The following EIF5B variants were observed in gnomAD, a reference collection of about 807,000 sequenced individuals.
EIF5B encodes eukaryotic translation initiation factor 5B.
EIF5B carries 47 observed loss-of-function variants against 147.5 expected under a neutral mutation model. That is an observed-to-expected ratio of 0.32 (90% CI 0.25 to 0.41). EIF5B has a LOEUF of 0.41. EIF5B is among the 10% of genes least tolerant of loss of function. EIF5B has a pLI of 1.00. For missense variants in EIF5B, 1,064 were observed against 1,413.2 expected (o/e 0.75, Z 3.96); for synonymous variants, 455 against 456.2 (o/e 1.00, Z 0.03).
chr2:99,356,482 A>G (rs938857315), intron 1 of EIF5B, among the ~76,000 whole-genome samples: 2 of 152,174 alleles, frequency 1.3e-5, no homozygotes, highest in African/African-American at 2.4e-5. Context: ...GAATTATTTC[A>G]TACTTTAGCT....
chr2:99,353,217 A>ATTGGC (rs1674017393), intron 1 of EIF5B, among the ~76,000 whole-genome samples: 3 of 151,610 alleles, frequency 2.0e-5, no homozygotes, highest in Admixed American at 2.0e-4. Context: ...GTTTCACCAT[A>ATTGGC]TTGGCCAGGC....
At chr2:99,343,703 A>G (rs932390464) in intron 1 of EIF5B, among the ~76,000 whole-genome samples, 2 of 151,548 alleles carry the variant, frequency 1.3e-5, no homozygotes, top group Non-Finnish European at 2.9e-5. Context: ...AGTCCCAGCT[A>G]CTCGGGAGGC....
Position 99,379,442 on chromosome 2 carries a change from A to G in EIF5B, c.2061+14A>G. The G allele has an allele frequency of 1.3e-6, 2 of 1,571,560 alleles. No homozygotes were observed. The highest frequency in any genetic ancestry group is 1.7e-6 in the Non-Finnish European group (2 of 1,150,608). On this transcript the variant is annotated intron_variant, in intron 12 of 23. Coordinates refer to ENST00000289371, the MANE Select transcript of EIF5B (RefSeq NM_015904.4). ...ATGATTAAAAATGTAAGTACATTGT[A>G]TTTCATGTATTTTAATCTCTGACAA...
intron 6 of EIF5B, among the ~76,000 whole-genome samples, chr2:99,366,979 A>G (rs1171961664): frequency 6.6e-6 from 1 of 152,218 alleles, no homozygotes; most frequent in Non-Finnish European, 1.5e-5. Context: ...GAACAATTGG[A>G]CATCTGTATG....
intron 14 of EIF5B, among the ~76,000 whole-genome samples, chr2:99,384,045 AAGTT>A (rs1245676928): frequency 6.6e-6 from 1 of 151,502 alleles, no homozygotes; most frequent in African/African-American, 2.4e-5. Flanking sequence ...AAAATACAAA[AAGTT>A]AGCCGGGCGT....
At chr2:99,398,569 G>GGT in intron 22 of EIF5B, 179 bp from the exon 23 acceptor site, 1 of 583,606 alleles carries the variant, frequency 1.7e-6, no homozygotes, top group Non-Finnish European at 3.0e-6. Flanking sequence ...AAGGGAATAG[G>GGT]GTGTTGGTGG....
chr2:99,393,439 G>A (rs995795065), intron 18 of EIF5B, among the ~76,000 whole-genome samples: 3 of 152,080 alleles, frequency 2.0e-5, no homozygotes, highest in Admixed American at 6.5e-5. Flanking sequence ...CTGGGAGGCA[G>A]AGGCTGCAGT....
intron 12 of EIF5B, among the ~76,000 whole-genome samples, chr2:99,379,751 CT>C (rs1160839318): frequency 6.6e-6 from 1 of 152,164 alleles, no homozygotes; most frequent in Non-Finnish European, 1.5e-5. Flanking sequence ...CTTCTCTACT[CT>C]TTTCCCCTTC....
intron 1 of EIF5B, among the ~76,000 whole-genome samples, chr2:99,349,117 T>G (rs1296671448): frequency 6.6e-6 from 1 of 152,204 alleles, no homozygotes. Context: ...CTAGAAACTA[T>G]AACAAAAGTT....
At chr2:99,364,955 A>C (rs1258576164) in intron 6 of EIF5B, among the ~76,000 whole-genome samples, 1 of 152,156 alleles carries the variant, frequency 6.6e-6, no homozygotes, top group East Asian at 1.9e-4. Flanking sequence ...TGAGACCTGG[A>C]ATCGGTTGTT....
Position 99,337,493 on chromosome 2 carries a change from A to G in EIF5B, c.-62A>G. 6.3e-7 allele frequency: 1 copy of G among 1,586,854 alleles called. No individual in the cohort carries two copies. The highest frequency in any genetic ancestry group is 8.6e-7 in the Non-Finnish European group (1 of 1,165,968). ...TGAGCGGAGACCAAAGTCAGCCGGGAGACAGTGGGTCTGTGAGAGACCGAA... is the reference window on the plus strand; with the variant it reads ...TGAGCGGAGACCAAAGTCAGCCGGGGGACAGTGGGTCTGTGAGAGACCGAA... On this transcript the variant is annotated 5_prime_UTR_variant, in exon 1 of 24. Coordinates refer to ENST00000289371, the MANE Select transcript of EIF5B (RefSeq NM_015904.4).
rs1674905997 is a variant in EIF5B, at chr2:99,390,629, C to T, written c.2672C>T (p.Pro891Leu). 1 of 1,613,096 alleles carries T rather than the reference C, an allele frequency of 6.2e-7. No individual in the cohort carries two copies. Among genetic ancestry groups the T allele is most frequent in the Non-Finnish European group, 8.5e-7 (1 of 1,179,210 alleles). ...AAGGAAGGAGATACAATCATTGTTC[C>T]TGGAGTAGAAGGGCCCATTGTAACT... ...RLKEGDTIIV[P>L]GVEGPIVTQI... Residue 891 changes from proline to leucine, a missense_variant, in exon 17 of 24, where the codon CCT becomes CTT. Pro to Leu is a moderately conservative substitution (Grantham distance 98). This residue lies in a region of EIF5B where 380 missense variants were observed against 715.6 expected (regional missense o/e 0.53). Coordinates refer to ENST00000289371, the MANE Select transcript of EIF5B (RefSeq NM_015904.4).
At chr2:99,345,275 T>A (rs1268393561) in intron 1 of EIF5B, among the ~76,000 whole-genome samples, 1 of 151,938 alleles carries the variant, frequency 6.6e-6, no homozygotes, top group Non-Finnish European at 1.5e-5. Flanking sequence ...TTTTTCCTTA[T>A]TTATTAGTGC....
In EIF5B at chr2:99,389,897, T is replaced by C. The variant is rs558461551; in HGVS notation, c.2403+48T>C. 41 of 1,540,066 alleles carry C rather than the reference T, an allele frequency of 2.7e-5. No homozygotes were observed. In the East Asian group the frequency reaches 6.8e-4, roughly 26 times the overall value. On this transcript the variant is annotated intron_variant, in intron 15 of 23. Coordinates refer to ENST00000289371, the MANE Select transcript of EIF5B (RefSeq NM_015904.4). The stretch of plus-strand genomic sequence containing the variant: ...TGAAGAGCCTATCTCAGAATATGTA[T>C]TATATTATCTTTATAATGAAGTCAG...
At chr2:99,379,241 G>C in intron 11 of EIF5B, 77 bp from the exon 12 acceptor site, 1 of 1,446,726 alleles carries the variant, frequency 6.9e-7, no homozygotes, top group Non-Finnish European at 9.5e-7. Flanking sequence ...CAATAAATAA[G>C]TTGCTAATTT....
intron 23 of EIF5B, 104 bp downstream of exon 23, chr2:99,399,013 T>G: frequency 7.5e-7 from 1 of 1,330,548 alleles, no homozygotes; most frequent in Non-Finnish European, 1.0e-6. Context: ...TTGTAGAATC[T>G]GATGGGACTG....
At chr2:99,386,558 C>G (rs1674813199) in intron 14 of EIF5B, among the ~76,000 whole-genome samples, 1 of 148,224 alleles carries the variant, frequency 6.7e-6, no homozygotes, top group African/African-American at 2.5e-5. Context: ...GAGACCATCT[C>G]TTGCTGTTGC....
chr2:99,368,471 GT>G, intron 6 of EIF5B, 21 bp from the exon 7 acceptor site: 1 of 1,592,682 alleles, frequency 6.3e-7, no homozygotes, highest in Non-Finnish European at 8.6e-7. Flanking sequence ...TAAGCCTGAA[GT>G]TTTTCATTTT....
At chr2:99,393,777 G>A (rs1674986324) in intron 18 of EIF5B, among the ~76,000 whole-genome samples, 1 of 152,132 alleles carries the variant, frequency 6.6e-6, no homozygotes, top group African/African-American at 2.4e-5. Flanking sequence ...CCCTTCAGTG[G>A]CATTGATAAA....
Sources: gnomAD v4.1 joint callset for allele counts (sites outside exome capture counted in the v4.1 genomes callset) on GRCh38, gnomAD v4.1.1 for gene constraint, gnomAD v4.1.1 regional missense constraint, MANE v1.5 for transcripts, NCBI Gene and HGNC (gene_info 2026-07-23, HGNC 2026-07-21) for gene names.